The following USP16 variants were observed in gnomAD, a reference collection of about 807,000 sequenced individuals.
USP16 encodes ubiquitin carboxyl-terminal hydrolase 16.
USP16 carries 77 observed loss-of-function variants against 95.9 expected under a neutral mutation model. The ratio of observed to expected loss-of-function variants is 0.80; its 90% CI spans 0.67 to 0.97. The LOEUF (loss-of-function observed/expected upper bound fraction) is 0.97. Ranked by LOEUF, USP16 falls within the 50% of genes least tolerant of loss-of-function variation. The pLI, the probability that USP16 is intolerant of heterozygous loss-of-function variation, is 0.00. For missense variants in USP16, 943 were observed against 959.9 expected, an observed-to-expected ratio of 0.98 and a Z score of 0.23; for synonymous variants, 303 against 318.2, an observed-to-expected ratio of 0.95 and a Z score of 0.51.
intron 9 of USP16, among the ~76,000 whole-genome samples, chr21:29,039,970 G>A (rs1312805918): frequency 6.6e-6 from 1 of 152,006 alleles, no homozygotes; most frequent in Non-Finnish European, 1.5e-5. Context: ...TAAGAGTCAG[G>A]GAACATTGGT....
intron 10 of USP16, among the ~76,000 whole-genome samples, chr21:29,041,765 T>A (rs1219598888): frequency 6.6e-6 from 1 of 152,170 alleles, no homozygotes; most frequent in Non-Finnish European, 1.5e-5. Context: ...TGACTAGATC[T>A]TGGATAAGGA....
At chr21:29,053,654 G>C (rs924368535) in intron 16 of USP16, 148 bp from the exon 17 acceptor site, 8 of 722,000 alleles carry the variant, frequency 1.1e-5, no homozygotes, top group African/African-American at 1.8e-5. Context: ...GCTGAGAAGA[G>C]GTATGGAGAA....
chr21:29,024,691 C>G lies in USP16; in HGVS notation c.-128C>G, dbSNP rs907787648. 9.3e-6 allele frequency: 12 copies of G among 1,288,882 alleles called. No individual in the cohort carries two copies. The highest frequency in any genetic ancestry group is 2.1e-4 in the Middle Eastern group (1 of 4,684). 79.8% of individuals were successfully genotyped at this position (1,288,882 alleles called of 1,614,324 possible). On this transcript the variant is annotated 5_prime_UTR_variant, in exon 1 of 18. Coordinates refer to ENST00000399976, the MANE Select transcript of USP16 (RefSeq NM_006447.3). Reference sequence around the variant, plus strand: ...TCACTCTGGCTTCGACTCCGTCGCTCTCAATTCGTCACCAGGAGGAAGACG... The same window carrying G: ...TCACTCTGGCTTCGACTCCGTCGCTGTCAATTCGTCACCAGGAGGAAGACG...
rs768234668 is a variant in USP16, at chr21:29,048,794, A to G, written c.2045A>G (p.Lys682Arg). The change falls in exon 15 of 18, where the codon AAG becomes AGG. Residue 682 changes from lysine to arginine, a missense_variant. Transcript: ENST00000399976. The stretch of plus-strand genomic sequence containing the variant: ...AAGCATGTTTACACCAATGCCAAAA[A>G]GCAGATGCTAATTTCTCTTGCTCCT... ...ERKHVYTNAKKQMLISLAPPV... is the reference protein window; with the variant it reads ...ERKHVYTNAKRQMLISLAPPV... The G allele has an allele frequency of 1.9e-6, 3 of 1,613,892 alleles. No homozygotes were observed. Among genetic ancestry groups the G allele is most frequent in the Non-Finnish European group, 2.5e-6 (3 of 1,179,940 alleles).
intron 15 of USP16, 44 bp from the exon 16 acceptor site, chr21:29,050,048 G>C (rs746467586): frequency 6.4e-7 from 1 of 1,568,804 alleles, no homozygotes; most frequent in Admixed American, 1.8e-5. Context: ...AACCTGTATT[G>C]CTTTTCCAAG....
At chr21:29,039,241 T>C in intron 8 of USP16, 85 bp downstream of exon 8, 1 of 1,217,770 alleles carries the variant, frequency 8.2e-7, no homozygotes, top group Non-Finnish European at 1.0e-6. Context: ...AATATAAAAA[T>C]ATTAATAGCA....
intron 16 of USP16, 96 bp from the exon 17 acceptor site, chr21:29,053,706 G>A (rs2085451014): frequency 1.6e-6 from 2 of 1,277,734 alleles, no homozygotes; most frequent in South Asian, 1.4e-5. Flanking sequence ...TCAAAGTAAT[G>A]GTTAAAGACC....
Position 29,054,429 on chromosome 21 carries a change from T to C in USP16, c.*242T>C. ...GAAATCCTGAATTACTTAAGTACTT[T>C]GTGTTTAATATATCTGGGTGATGGA... On this transcript the variant is annotated 3_prime_UTR_variant, in exon 18 of 18. Coordinates refer to ENST00000399976, the MANE Select transcript of USP16 (RefSeq NM_006447.3). 2.0e-6 allele frequency: 1 copy of C among 489,698 alleles called. No individual in the cohort carries two copies. Among genetic ancestry groups the C allele is most frequent in the Non-Finnish European group, 3.6e-6 (1 of 281,680 alleles). The allele number at this position is 489,698 out of a possible 1,614,324, so 30.3% of individuals were successfully genotyped here.
At chr21:29,034,759 T>A in intron 3 of USP16, 78 bp from the exon 4 acceptor site, 1 of 1,297,558 alleles carries the variant, frequency 7.7e-7, no homozygotes, top group Non-Finnish European at 1.1e-6. Context: ...AGCCACTTCC[T>A]TGTTTATGAT....
chr21:29,047,591 C>G (rs762714155), intron 14 of USP16, among the ~76,000 whole-genome samples: 1 of 152,158 alleles, frequency 6.6e-6, no homozygotes, highest in Non-Finnish European at 1.5e-5. Flanking sequence ...ACCACAGCAT[C>G]CTGACACATA....
At chr21:29,052,159 T>C (rs551465877) in intron 16 of USP16, 5 of 152,338 alleles carry the variant, frequency 3.3e-5, no homozygotes, top group African/African-American at 1.2e-4. Flanking sequence ...TCAAAAATTC[T>C]GCATGTTTAA....
At chr21:29,037,549 A>C in intron 6 of USP16, 86 bp downstream of exon 6, 3 of 777,340 alleles carry the variant, frequency 3.9e-6, no homozygotes, top group Non-Finnish European at 5.5e-6. Flanking sequence ...TTTCCACCTG[A>C]GTAATTTATT....
intron 14 of USP16, among the ~76,000 whole-genome samples, chr21:29,048,453 C>T (rs1197382589): frequency 6.6e-6 from 1 of 152,166 alleles, no homozygotes; most frequent in Non-Finnish European, 1.5e-5. Context: ...CTTTCAACCT[C>T]ATTAACCAAA....
Position 29,036,302 on chromosome 21 carries a change from T to C in USP16, c.376T>C (p.Cys126Arg). 1 of 1,613,848 alleles carries C rather than the reference T, an allele frequency of 6.2e-7. No individual in the cohort carries two copies. Among genetic ancestry groups the C allele is most frequent in the Non-Finnish European group, 8.5e-7 (1 of 1,179,850 alleles). The part of the protein sequence containing the change: ...CYVCDNEVQY[C>R]SSNQLGQVVD... Reference sequence around the variant, plus strand: ...CGTATGTGATAATGAGGTCCAGTATTGTAGTTCAAACCAGTTGGGTCAAGT... The same window carrying C: ...CGTATGTGATAATGAGGTCCAGTATCGTAGTTCAAACCAGTTGGGTCAAGT... Residue 126 changes from cysteine to arginine, a missense_variant, in exon 5 of 18, where the codon TGT becomes CGT. Physicochemically the swap from Cys to Arg is radical, Grantham distance 180 (BLOSUM62 -3). Coordinates refer to ENST00000399976, the MANE Select transcript of USP16 (RefSeq NM_006447.3).
intron 6 of USP16, among the ~76,000 whole-genome samples, chr21:29,037,915 T>A (rs1379321356): frequency 1.3e-5 from 2 of 152,242 alleles, no homozygotes; most frequent in Non-Finnish European, 2.9e-5. Context: ...TTTTATTGCA[T>A]GACAGTAAGA....
chr21:29,050,803 G>A (rs1813486775), intron 16 of USP16, among the ~76,000 whole-genome samples: 1 of 152,188 alleles, frequency 6.6e-6, no homozygotes, highest in African/African-American at 2.4e-5. Flanking sequence ...GAGGAACTTG[G>A]ACTTCATTAG....
At chr21:29,027,542 T>C (rs1390785930) in intron 1 of USP16, among the ~76,000 whole-genome samples, 1 of 152,252 alleles carries the variant, frequency 6.6e-6, no homozygotes, top group Admixed American at 6.5e-5. Flanking sequence ...TTCACATGTA[T>C]GTAGTGAGGA....
chr21:29,027,735 A>G (rs1433024854), intron 1 of USP16, 138 bp from the exon 2 acceptor site: 6 of 665,106 alleles, frequency 9.0e-6, no homozygotes, highest in Non-Finnish European at 1.3e-5. Context: ...AAATTAGATG[A>G]TTATATGTGA....
intron 3 of USP16, among the ~76,000 whole-genome samples, chr21:29,033,433 A>G (rs116369748): frequency 4.4e-4 from 67 of 152,376 alleles, no homozygotes; most frequent in African/African-American, 1.5e-3. Context: ...TCCAAAGTAT[A>G]TATTTAGCGG....
Sources: gnomAD v4.1 joint callset for allele counts (sites outside exome capture counted in the v4.1 genomes callset) on GRCh38, gnomAD v4.1.1 for gene constraint, MANE v1.5 for transcripts, NCBI Gene and HGNC (gene_info 2026-07-23, HGNC 2026-07-21) for gene names.